Variants in FMNL2 observed in about 807,000 individuals in gnomAD.
FMNL2 encodes formin like 2.
In FMNL2, 51 loss-of-function variants were observed where a neutral mutation model predicts 130.2. That is an observed-to-expected ratio of 0.39 (90% CI 0.31 to 0.49). FMNL2 has a LOEUF of 0.49. Ranked by LOEUF, FMNL2 falls within the 20% of genes least tolerant of loss-of-function variation. FMNL2 has a pLI of 0.85. For synonymous variants in FMNL2, 465 were observed against 467.1 expected (o/e 1.00, Z 0.06); for missense variants, 977 against 1,316.2 (o/e 0.74, Z 3.99).
intron 1 of FMNL2, among the ~76,000 whole-genome samples, chr2:152,505,432 A>C (rs1165513788): frequency 6.6e-6 from 1 of 152,260 alleles, no homozygotes; most frequent in Non-Finnish European, 1.5e-5. Context: ...AATTTGTTAC[A>C]ATTGAACAAA....
At chr2:152,352,300 G>A (rs543827856) in intron 1 of FMNL2, among the ~76,000 whole-genome samples, 1 of 152,226 alleles carries the variant, frequency 6.6e-6, no homozygotes, top group South Asian at 2.1e-4. Flanking sequence ...AACATGAATG[G>A]TAGCTCAGGA....
At position 152,378,880 on chromosome 2, in the gene FMNL2, G is replaced by A. The variant is rs553048393; in HGVS notation, c.117+43160G>A. Reference sequence around the variant, plus strand: ...TTCTTCATGGCGTGAGTTTTCTGGCGGGATTTTTTAAGAGTGAGAAGAGGT... The same window carrying A: ...TTCTTCATGGCGTGAGTTTTCTGGCAGGATTTTTTAAGAGTGAGAAGAGGT... On this transcript the variant is annotated intron_variant, in intron 1 of 25. Transcript: ENST00000288670. Among the ~76,000 whole-genome samples the A allele has an allele frequency of 1.6e-4, 24 of 150,176 alleles. No individual in the cohort carries two copies. In the Admixed American group the frequency reaches 1.6e-3, roughly 10 times the overall value.
chr2:152,591,244 C>T (rs1280648445), intron 9 of FMNL2, among the ~76,000 whole-genome samples: 2 of 151,864 alleles, frequency 1.3e-5, no homozygotes, highest in Admixed American at 6.6e-5. Context: ...CTCCTGACTT[C>T]GTGATCCGCC....
chr2:152,441,288 A>G (rs915548131), intron 1 of FMNL2, among the ~76,000 whole-genome samples: 2 of 152,368 alleles, frequency 1.3e-5, no homozygotes, highest in Middle Eastern at 3.4e-3. Context: ...AGCACATTCA[A>G]ATACAGAGGA....
At chr2:152,601,391 C>G (rs1698049992) in intron 9 of FMNL2, among the ~76,000 whole-genome samples, 3 of 151,430 alleles carry the variant, frequency 2.0e-5, no homozygotes, top group Admixed American at 2.0e-4. Context: ...ACCTCCATCC[C>G]CCAGGTTCAA....
At chr2:152,492,675 C>A (rs1579802183) in intron 1 of FMNL2, among the ~76,000 whole-genome samples, 1 of 152,134 alleles carries the variant, frequency 6.6e-6, no homozygotes, top group African/African-American at 2.4e-5. Context: ...AAAAAACTAG[C>A]ATTTTAAAAG....
chr2:152,527,499 C>T (rs1693452385), intron 2 of FMNL2, among the ~76,000 whole-genome samples: 2 of 152,136 alleles, frequency 1.3e-5, no homozygotes, highest in Admixed American at 1.3e-4. Context: ...ATACAGTAAA[C>T]TAGTAACTAG....
intron 1 of FMNL2, among the ~76,000 whole-genome samples, chr2:152,411,416 A>G (rs1187867957): frequency 2.6e-5 from 4 of 152,228 alleles, no homozygotes; most frequent in Admixed American, 2.6e-4. Flanking sequence ...CACTTCCCTT[A>G]GGAATCTGCC....
At chr2:152,498,849 A>G (rs986734103) in intron 1 of FMNL2, among the ~76,000 whole-genome samples, 1 of 152,234 alleles carries the variant, frequency 6.6e-6, no homozygotes, top group African/African-American at 2.4e-5. Context: ...CTCACCATTC[A>G]TGTGCATTAT....
chr2:152,341,448 T>C (rs1681799658), intron 1 of FMNL2, among the ~76,000 whole-genome samples: 1 of 152,204 alleles, frequency 6.6e-6, no homozygotes, highest in African/African-American at 2.4e-5. Flanking sequence ...AGAGATGGTA[T>C]GCGTGGCCTT....
intron 17 of FMNL2, among the ~76,000 whole-genome samples, chr2:152,627,473 T>C (rs1396821022): frequency 2.0e-5 from 3 of 152,178 alleles, no homozygotes; most frequent in African/African-American, 4.8e-5. Context: ...GGCTTCGAGG[T>C]GTAAATGACC....
chr2:152,594,320 C>G (rs910682260), intron 9 of FMNL2, among the ~76,000 whole-genome samples: 1 of 152,026 alleles, frequency 6.6e-6, no homozygotes, highest in African/African-American at 2.4e-5. Context: ...AAACAAGGTA[C>G]CTAGATAATA....
intron 1 of FMNL2, among the ~76,000 whole-genome samples, chr2:152,480,734 A>G (rs995038323): frequency 1.3e-5 from 2 of 151,932 alleles, no homozygotes; most frequent in Non-Finnish European, 2.9e-5. Flanking sequence ...ACCAAGGGCT[A>G]TGCAGTAACT....
chr2:152,549,588 A>T (rs1694826551), intron 4 of FMNL2, among the ~76,000 whole-genome samples: 1 of 152,188 alleles, frequency 6.6e-6, no homozygotes, highest in Non-Finnish European at 1.5e-5. Flanking sequence ...TCTCTTTTTC[A>T]TACATCTCAA....
intron 6 of FMNL2, among the ~76,000 whole-genome samples, chr2:152,564,160 GTT>G (rs35929790): frequency 5.4e-5 from 8 of 148,464 alleles, no homozygotes; most frequent in South Asian, 2.1e-4. Flanking sequence ...AGCACAGGTT[GTT>G]TTTTTTTTTG....
In FMNL2 at chr2:152,580,878, G is replaced by A. The variant is rs925170126; in HGVS notation, c.783-78G>A. The A allele has an allele frequency of 1.0e-5, 13 of 1,284,886 alleles. No homozygotes were observed. The African/African-American group carries it at 1.8e-4, about 18-fold the overall frequency. 79.6% of individuals were successfully genotyped at this position (1,284,886 alleles called of 1,614,324 possible). A position where few individuals can be genotyped will look rare whatever the true frequency, so the allele number is the denominator to read the frequency against. On this transcript the variant is annotated intron_variant, in intron 8 of 25. Transcript: ENST00000288670. ...GTAAGGGCAAATGTTTTATTCTCAT[G>A]TATCTTGGAAGGAAGAAACAGCTGA...
chr2:152,488,254 G>A (rs1690950182), intron 1 of FMNL2, among the ~76,000 whole-genome samples: 1 of 152,214 alleles, frequency 6.6e-6, no homozygotes, highest in Admixed American at 6.5e-5. Flanking sequence ...TAAAGAGCTT[G>A]CCTGTGGGTG....
At chr2:152,414,899 C>T (rs548127762) in intron 1 of FMNL2, among the ~76,000 whole-genome samples, 1 of 152,142 alleles carries the variant, frequency 6.6e-6, no homozygotes, top group African/African-American at 2.4e-5. Flanking sequence ...AATACTCTTA[C>T]AAAAGATTTA....
intron 1 of FMNL2, among the ~76,000 whole-genome samples, chr2:152,396,571 C>A (rs1685405002): frequency 6.6e-6 from 1 of 152,140 alleles, no homozygotes; most frequent in South Asian, 2.1e-4. Flanking sequence ...TTAGATGAGT[C>A]CTGCATATCA....
Sources: allele counts gnomAD v4.1 joint callset (sites outside exome capture counted in the v4.1 genomes callset), GRCh38; gene constraint gnomAD v4.1.1; transcripts MANE v1.5; gene names NCBI Gene and HGNC (gene_info 2026-07-23, HGNC 2026-07-21).